Variants in PRKAG2 observed in about 807,000 individuals in gnomAD.
PRKAG2 encodes protein kinase AMP-activated non-catalytic subunit gamma 2, also known as 5'-AMP-activated protein kinase subunit gamma-2.
PRKAG2 carries 26 observed loss-of-function variants against 69.6 expected under a neutral mutation model. The observed-to-expected ratio is 0.37, with a 90% CI of 0.27 to 0.52. The LOEUF (loss-of-function observed/expected upper bound fraction) is 0.52. Ranked by LOEUF, PRKAG2 falls within the 20% of genes least tolerant of loss-of-function variation. The pLI, the probability that PRKAG2 is intolerant of heterozygous loss-of-function variation, is 0.90. For synonymous variants in PRKAG2, 293 were observed against 285.0 expected, an observed-to-expected ratio of 1.03 and a Z score of -0.28; for missense variants, 557 against 740.0, an observed-to-expected ratio of 0.75 and a Z score of 2.87.
chr7:151,595,308 A>G (rs1289231901), intron 6 of PRKAG2, 37 bp downstream of exon 6: 1 of 1,450,440 alleles, frequency 6.9e-7, no homozygotes, highest in Non-Finnish European at 9.3e-7. Flanking sequence ...GCCATCCAAA[A>G]AATACCAAAA....
chr7:151,745,638 A>G (rs894896936), intron 3 of PRKAG2, among the ~76,000 whole-genome samples: 1 of 152,210 alleles, frequency 6.6e-6, no homozygotes, highest in Non-Finnish European at 1.5e-5. Context: ...CACACCAGCG[A>G]TATCTAAGGC....
intron 4 of PRKAG2, among the ~76,000 whole-genome samples, chr7:151,673,309 T>C (rs2151469086): frequency 1.3e-5 from 2 of 152,304 alleles, no homozygotes; most frequent in South Asian, 4.1e-4. Flanking sequence ...TTTTCTTTTC[T>C]AGAAGGTTCT....
chr7:151,866,427 T>C (rs1282910536), intron 1 of PRKAG2, among the ~76,000 whole-genome samples: 1 of 152,244 alleles, frequency 6.6e-6, no homozygotes, highest in Non-Finnish European at 1.5e-5. Flanking sequence ...ATTTCACATA[T>C]TACTTTAGAG....
chr7:151,817,596 A>C (rs2078675311), intron 1 of PRKAG2, among the ~76,000 whole-genome samples: 2 of 152,108 alleles, frequency 1.3e-5, no homozygotes, highest in African/African-American at 4.8e-5. Context: ...AGAGCTTGGC[A>C]TCCCTAGAAA....
intron 4 of PRKAG2, among the ~76,000 whole-genome samples, chr7:151,642,688 C>A (rs568668558): frequency 6.6e-6 from 1 of 152,184 alleles, no homozygotes; most frequent in African/African-American, 2.4e-5. Flanking sequence ...TAATTTATTC[C>A]ACAGTATCTT....
intron 4 of PRKAG2, among the ~76,000 whole-genome samples, chr7:151,636,414 G>A (rs1825746371): frequency 6.6e-6 from 1 of 152,134 alleles, no homozygotes; most frequent in South Asian, 2.1e-4. Context: ...CATACAATAG[G>A]TGGTCTTTTG....
intron 1 of PRKAG2, among the ~76,000 whole-genome samples, chr7:151,841,546 T>C (rs1389454260): frequency 7.1e-6 from 1 of 141,346 alleles, no homozygotes; most frequent in African/African-American, 2.7e-5. Context: ...GTAGTGATAG[T>C]AGGTAGGGAT....
At chr7:151,647,240 C>A (rs1197765074) in intron 4 of PRKAG2, among the ~76,000 whole-genome samples, 3 of 152,160 alleles carry the variant, frequency 2.0e-5, no homozygotes, top group Non-Finnish European at 4.4e-5. Flanking sequence ...TGGGGCCTGG[C>A]CTGCTTCTGT....
At chr7:151,612,404 TGCAGAGACC>T (rs2151222493) in intron 5 of PRKAG2, among the ~76,000 whole-genome samples, 1 of 152,276 alleles carries the variant, frequency 6.6e-6, no homozygotes, top group African/African-American at 2.4e-5. Flanking sequence ...AAAATCACAC[TGCAGAGACC>T]TGCAGTGTGC....
Position 151,840,977 on chromosome 7 carries a change from T to C in PRKAG2, c.114+35530A>G, listed in dbSNP as rs1282067335. 2.0e-5 allele frequency among the ~76,000 whole-genome samples: 3 copies of C among 152,236 alleles called. No individual in the cohort carries two copies. In the East Asian group the frequency reaches 5.8e-4, roughly 29 times the overall value. On this transcript the variant is annotated intron_variant, in intron 1 of 15. Transcript: ENST00000287878. ...AGTGAGACCCCATCTGATTGACTGA[T>C]TGATTGGTTAATTGATTAATTGATT...
rs1157141814 is a variant in PRKAG2 at position 151,771,083 on chromosome 7, C to T, written c.466+10069G>A. ...ATGTATAGGTTGCTTACAAAAATAA[C>T]CAGCCCTCCTCTGTTCCTTACTTCA... On this transcript the variant is annotated intron_variant, in intron 3 of 15. Transcript: ENST00000287878. This position sits in a 1 kb window ranked among gnomAD's most constrained non-coding sequence, Gnocchi z 4.0. 6.6e-6 allele frequency among the ~76,000 whole-genome samples: 1 copy of T among 152,170 alleles called. No homozygotes were observed. Among genetic ancestry groups the T allele is most frequent in the Non-Finnish European group, 1.5e-5 (1 of 68,028 alleles).
Position 151,632,241 on chromosome 7 carries a change from C to A in PRKAG2, c.685-103G>T. 2 of 1,081,618 alleles carry A rather than the reference C, an allele frequency of 1.8e-6. No individual in the cohort carries two copies. The highest frequency in any genetic ancestry group is 5.4e-5 in the East Asian group (1 of 18,418). 67.0% of individuals were successfully genotyped at this position (1,081,618 alleles called of 1,614,324 possible). On this transcript the variant is annotated intron_variant, in intron 4 of 15. Transcript: ENST00000287878. This position sits in a 1 kb window ranked among gnomAD's most constrained non-coding sequence, Gnocchi z 4.2. ...GCGCTGGGGCCTGGCTCTGCCGCGC[C>A]GCCGGGAGGAGGGGCCTGGCAGGGG...
chr7:151,770,816 T>C (rs1041480100), intron 3 of PRKAG2, among the ~76,000 whole-genome samples: 12 of 152,170 alleles, frequency 7.9e-5, no homozygotes, highest in African/African-American at 2.9e-4. Context: ...AGATAGAAAG[T>C]GGCCTCCCTC....
chr7:151,829,221 C>A (rs1363810675), intron 1 of PRKAG2, among the ~76,000 whole-genome samples: 1 of 152,190 alleles, frequency 6.6e-6, no homozygotes, highest in African/African-American at 2.4e-5. Flanking sequence ...ATCTGAAAGT[C>A]ATTTCTCCAA....
At chr7:151,873,044 ATT>A (rs2080258287) in intron 1 of PRKAG2, among the ~76,000 whole-genome samples, 1 of 152,216 alleles carries the variant, frequency 6.6e-6, no homozygotes, top group Non-Finnish European at 1.5e-5. Flanking sequence ...AACATGATTC[ATT>A]GTCTACCTGA....
intron 11 of PRKAG2, chr7:151,566,713 G>GAA (rs898448729): frequency 3.5e-4 from 99 of 286,856 alleles, no homozygotes; most frequent in South Asian, 7.7e-4. Context: ...GAAATTTAGA[G>GAA]AAAAAAAAAA....
At chr7:151,841,430 G>A (rs905688488) in intron 1 of PRKAG2, among the ~76,000 whole-genome samples, 22 of 145,104 alleles carry the variant, frequency 1.5e-4, no homozygotes, top group Non-Finnish European at 3.0e-4. Flanking sequence ...AGGTAGGGAT[G>A]GTAGTGATAG....
chr7:151,827,745 TAAAAAAAAAAAAAAAAAA>T lies in PRKAG2; in HGVS notation c.115-41222_115-41205del, dbSNP rs55685618. Among the ~76,000 whole-genome samples, 17 of 52,260 alleles carry T rather than the reference TAAAAAAAAAAAAAAAAAA, an allele frequency of 3.3e-4. No homozygotes were observed. The East Asian group carries it at 6.2e-3, about 19-fold the overall frequency. The allele number at this position is 52,260 out of a possible 152,430, so 34.3% of individuals were successfully genotyped here. A position where few individuals can be genotyped will look rare whatever the true frequency, so the allele number is the denominator to read the frequency against. On this transcript the variant is annotated intron_variant, in intron 1 of 15. Transcript: ENST00000287878. ...AGGAATTTCTTGAGGTGGCCTTAGGTAAAAAAAAAAAAAAAAAAAAAAAAAAAAACTGCCTTGCTGTAG... is the reference window on the plus strand; with the variant it reads ...AGGAATTTCTTGAGGTGGCCTTAGGTAAAAAAAAAAACTGCCTTGCTGTAG...
chr7:151,598,731 G>A (rs1815250938), intron 5 of PRKAG2, among the ~76,000 whole-genome samples: 2 of 152,142 alleles, frequency 1.3e-5, no homozygotes, highest in South Asian at 4.1e-4. Context: ...ATGCTGTATG[G>A]AAATACGGAC....
Sources: gnomAD v4.1 joint callset for allele counts (sites outside exome capture counted in the v4.1 genomes callset) on GRCh38, gnomAD v4.1.1 for gene constraint, Gnocchi (gnomAD v3.1) non-coding constraint, MANE v1.5 for transcripts, NCBI Gene and HGNC (gene_info 2026-07-23, HGNC 2026-07-21) for gene names.